The following ADGRL3 variants were observed in gnomAD, a reference collection of about 807,000 sequenced individuals.
ADGRL3 encodes calcium-independent alpha-latrotoxin receptor 3.
A neutral mutation model predicts 153.5 loss-of-function variants in ADGRL3; 62 were observed. The observed-to-expected ratio is 0.40, with a 90% confidence interval of 0.33 to 0.50. The LOEUF is 0.50. ADGRL3 is among the 20% of genes least tolerant of loss of function. The pLI is 0.47. For missense variants in ADGRL3, 1,641 were observed against 1,859.4 expected (o/e 0.88, Z 2.16); for synonymous variants, 710 against 672.5 (o/e 1.06, Z -0.86).
chr4:62,039,459 G>A (rs1398628059), intron 24 of ADGRL3, among the ~76,000 whole-genome samples: 1 of 151,996 alleles, frequency 6.6e-6, no homozygotes, highest in East Asian at 1.9e-4. Flanking sequence ...AAAAATATCA[G>A]GCTATGTTAA....
chr4:61,305,415 G>C (rs1367740632), intron 1 of ADGRL3, among the ~76,000 whole-genome samples: 1 of 152,070 alleles, frequency 6.6e-6, no homozygotes, highest in African/African-American at 2.4e-5. Context: ...AGTACATATG[G>C]TGTTGTGGAA....
intron 4 of ADGRL3, among the ~76,000 whole-genome samples, chr4:61,540,862 G>T (rs2098686670): frequency 6.6e-6 from 1 of 152,072 alleles, no homozygotes; most frequent in Non-Finnish European, 1.5e-5. Flanking sequence ...GGGCATCTTT[G>T]GGTATACAAA....
chr4:61,528,916 GAC>G (rs2098594943), intron 4 of ADGRL3, among the ~76,000 whole-genome samples: 1 of 152,116 alleles, frequency 6.6e-6, no homozygotes, highest in East Asian at 1.9e-4. Context: ...CTGGGACTCA[GAC>G]ACCTAGCCAC....
rs114424033 is a variant in ADGRL3, at chr4:61,912,889, T to C, written c.2112+132T>C. ...GGAATTTCATGGAGGGGGAGAAGGG[T>C]GGGAACAGAAAGCATGAAAGCATTG... On this transcript the variant is annotated intron_variant, in intron 13 of 26. Coordinates refer to ENST00000683033, the MANE Select transcript of ADGRL3 (RefSeq NM_001387552.1). The C allele has an allele frequency of 2.6e-3, 2,137 of 815,470 alleles. 34 individuals carry two copies. The highest frequency in any genetic ancestry group is 0.021 in the South Asian group (1,286 of 61,010). 50.5% of individuals were successfully genotyped at this position (815,470 alleles called of 1,614,324 possible). A position where few individuals can be genotyped will look rare whatever the true frequency, so the allele number is the denominator to read the frequency against.
intron 17 of ADGRL3, among the ~76,000 whole-genome samples, chr4:61,973,281 T>A (rs541498422): frequency 6.8e-4 from 104 of 152,188 alleles, no homozygotes; most frequent in African/African-American, 2.2e-3. Context: ...TGAGTGTACC[T>A]CATGGTATAT....
intron 4 of ADGRL3, among the ~76,000 whole-genome samples, chr4:61,533,848 A>G (rs1579381607): frequency 6.6e-6 from 1 of 152,320 alleles, no homozygotes; most frequent in East Asian, 1.9e-4. Flanking sequence ...TGACATCAAT[A>G]AGTAACTTAG....
intron 17 of ADGRL3, among the ~76,000 whole-genome samples, chr4:61,971,874 T>C (rs942639673): frequency 2.6e-5 from 4 of 152,288 alleles, no homozygotes; most frequent in East Asian, 1.9e-4. Context: ...TGGTATCTCA[T>C]TGTGGTTTTG....
At chr4:61,919,708 C>T (rs2098759829) in intron 13 of ADGRL3, among the ~76,000 whole-genome samples, 1 of 152,200 alleles carries the variant, frequency 6.6e-6, no homozygotes, top group African/African-American at 2.4e-5. Context: ...GATTTAAAAA[C>T]TTCCAAAGGA....
At chr4:61,581,144 G>C (rs1446081295) in intron 4 of ADGRL3, among the ~76,000 whole-genome samples, 2 of 152,026 alleles carry the variant, frequency 1.3e-5, no homozygotes, top group African/African-American at 4.8e-5. Context: ...GTGCAGAATA[G>C]ACAGTACACC....
chr4:61,830,184 T>G (rs1012292771), intron 9 of ADGRL3, among the ~76,000 whole-genome samples: 4 of 151,980 alleles, frequency 2.6e-5, no homozygotes, highest in Non-Finnish European at 5.9e-5. Flanking sequence ...AATTTTTCTT[T>G]TTTTGTAGAG....
intron 1 of ADGRL3, among the ~76,000 whole-genome samples, chr4:61,263,816 C>G (rs2092691914): frequency 6.6e-6 from 1 of 151,720 alleles, no homozygotes; most frequent in African/African-American, 2.4e-5. Context: ...AGAAGTGATT[C>G]ATTGGTTAAC....
intron 1 of ADGRL3, among the ~76,000 whole-genome samples, chr4:61,206,815 C>G (rs1737425066): frequency 6.6e-6 from 1 of 151,888 alleles, no homozygotes; most frequent in Non-Finnish European, 1.5e-5. Context: ...AACCCTGTCT[C>G]TACTAAAAAT....
intron 1 of ADGRL3, among the ~76,000 whole-genome samples, chr4:61,308,181 C>T (rs771661304): frequency 2.0e-5 from 3 of 152,130 alleles, no homozygotes; most frequent in East Asian, 1.9e-4. Flanking sequence ...GACGATCATG[C>T]GTTAGCTGTT....
Position 61,979,787 on chromosome 4 carries a change from T to A in ADGRL3, c.3015+15T>A. On this transcript the variant is annotated intron_variant, in intron 18 of 26. Coordinates refer to ENST00000683033, the MANE Select transcript of ADGRL3 (RefSeq NM_001387552.1). ...CTGACCAACCAGTAAGCAACCTACA[T>A]TGATACCAGTGAAGAATTTTTCCAC... 6.2e-7 allele frequency: 1 copy of A among 1,602,432 alleles called. No individual in the cohort carries two copies. The highest frequency in any genetic ancestry group is 2.2e-5 in the East Asian group (1 of 44,666).
intron 1 of ADGRL3, among the ~76,000 whole-genome samples, chr4:61,358,826 C>T (rs962790947): frequency 6.6e-6 from 1 of 151,994 alleles, no homozygotes; most frequent in Non-Finnish European, 1.5e-5. Context: ...GTCTCTTCTA[C>T]TTTAACATTA....
At chr4:61,339,534 A>G (rs2095758914) in intron 1 of ADGRL3, among the ~76,000 whole-genome samples, 1 of 152,188 alleles carries the variant, frequency 6.6e-6, no homozygotes, top group Non-Finnish European at 1.5e-5. Context: ...TTAAATTAGG[A>G]TGCATTAATT....
chr4:61,338,834 GTAT>G (rs2095743387), intron 1 of ADGRL3, among the ~76,000 whole-genome samples: 1 of 152,104 alleles, frequency 6.6e-6, no homozygotes, highest in Non-Finnish European at 1.5e-5. Context: ...GTGTAAATAT[GTAT>G]TATTATAGTT....
chr4:61,945,840 C>T (rs369297697), intron 15 of ADGRL3, among the ~76,000 whole-genome samples: 1 of 152,062 alleles, frequency 6.6e-6, no homozygotes, highest in South Asian at 2.1e-4. Flanking sequence ...CTGTCTGGCA[C>T]TCCTTAGTGA....
At chr4:61,497,944 G>C (rs1021667054) in intron 3 of ADGRL3, among the ~76,000 whole-genome samples, 1 of 151,966 alleles carries the variant, frequency 6.6e-6, no homozygotes, top group Non-Finnish European at 1.5e-5. Context: ...TTTATTTTTA[G>C]TCTTTACTAC....
Sources: allele counts gnomAD v4.1 joint callset (sites outside exome capture counted in the v4.1 genomes callset), GRCh38; gene constraint gnomAD v4.1.1; transcripts MANE v1.5; gene names NCBI Gene and HGNC (gene_info 2026-07-23, HGNC 2026-07-21).